AGFG2: variants seen among roughly 807,000 people sequenced by gnomAD.
AGFG2 encodes ArfGAP with FG repeats 2.
In AGFG2, 31 loss-of-function variants were observed where a neutral mutation model predicts 48.0. That is an observed-to-expected ratio of 0.65 (90% confidence interval 0.49 to 0.87). The LOEUF (loss-of-function observed/expected upper bound fraction) is 0.87, where lower values mean the gene tolerates loss of function less well. AGFG2 is among the 40% of genes least tolerant of loss of function. AGFG2 has a pLI of 0.00. For synonymous variants in AGFG2, 229 were observed against 260.8 expected (o/e 0.88, Z 1.18); for missense variants, 599 against 632.6 (o/e 0.95, Z 0.57).
chr7:100,550,546 G>T, intron 3 of AGFG2, 35 bp downstream of exon 3: 1 of 1,506,176 alleles, frequency 6.6e-7, no homozygotes, highest in Non-Finnish European at 9.2e-7. Flanking sequence ...ATGGAAACGT[G>T]TTCAAGACAT....
intron 5 of AGFG2, among the ~76,000 whole-genome samples, chr7:100,555,192 TTTAGAA>T (rs1234618295): frequency 6.6e-6 from 1 of 151,788 alleles, no homozygotes; most frequent in Non-Finnish European, 1.5e-5. Flanking sequence ...GCCTTTGGCC[TTTAGAA>T]TTAGTAGCTA....
At chr7:100,560,155 A>G (rs1407607264) in intron 6 of AGFG2, among the ~76,000 whole-genome samples, 1 of 150,950 alleles carries the variant, frequency 6.6e-6, no homozygotes, top group Non-Finnish European at 1.5e-5. Flanking sequence ...TGGGAGAGTC[A>G]GTAGAGGATC....
At chr7:100,563,515 C>G (rs1446246316) in intron 9 of AGFG2, among the ~76,000 whole-genome samples, 3 of 152,228 alleles carry the variant, frequency 2.0e-5, no homozygotes, top group Admixed American at 2.0e-4. Flanking sequence ...GGACTGTCCC[C>G]ATTTTAGAGA....
intron 3 of AGFG2, among the ~76,000 whole-genome samples, chr7:100,551,066 A>C (rs866571958): frequency 1.4e-5 from 1 of 69,718 alleles, no homozygotes; most frequent in East Asian, 3.3e-4. Context: ...ATATATATAT[A>C]TTTCTTTTTT....
rs887697231 is a variant in AGFG2 at position 100,568,008 on chromosome 7, C to T, written c.*3017C>T. 3 of 152,700 alleles carry T rather than the reference C, an allele frequency of 2.0e-5. No individual in the cohort carries two copies. The highest frequency in any genetic ancestry group is 2.0e-4 in the Admixed American group (3 of 15,286). The allele number at this position is 152,700 out of a possible 1,614,324, so 9.5% of individuals were successfully genotyped here. ...TGGCATTGATCAGCACCCACCCCAC[C>T]CCTGAGGCTTGCCCAGCCCCCAGGC... is the stretch of plus-strand genomic sequence containing the variant. On this transcript the variant is annotated 3_prime_UTR_variant, in exon 12 of 12. Transcript: ENST00000300176.
chr7:100,560,335 C>T (rs534794911), intron 6 of AGFG2, among the ~76,000 whole-genome samples: 6 of 152,260 alleles, frequency 3.9e-5, no homozygotes, highest in East Asian at 1.9e-4. Context: ...TGCACCACCA[C>T]GCCCAGCTTA....
At position 100,567,162 on chromosome 7, in the gene AGFG2, G is replaced by A. The variant is rs1361342580; in HGVS notation, c.*2171G>A. The A allele has an allele frequency of 1.3e-5, 2 of 152,580 alleles. No homozygotes were observed. The highest frequency in any genetic ancestry group is 2.9e-5 in the Non-Finnish European group (2 of 68,034). 9.5% of individuals were successfully genotyped at this position (152,580 alleles called of 1,614,324 possible). A position where few individuals can be genotyped will look rare whatever the true frequency, so the allele number is the denominator to read the frequency against. ...ATGAGCAGTAAGAAGTTAACGCCAG[G>A]TCAGCCTCGGGCCCCAGGGTTCCCT... On this transcript the variant is annotated 3_prime_UTR_variant, in exon 12 of 12. Coordinates refer to ENST00000300176, the MANE Select transcript of AGFG2 (RefSeq NM_006076.5).
At chr7:100,545,053 T>A (rs1003875337) in intron 1 of AGFG2, among the ~76,000 whole-genome samples, 5 of 152,146 alleles carry the variant, frequency 3.3e-5, no homozygotes, top group Non-Finnish European at 7.3e-5. Flanking sequence ...AGATAAGAGC[T>A]AAACTGGTTT....
At position 100,564,973 on chromosome 7, in the gene AGFG2, C is replaced by T; in HGVS notation, c.1428C>T (p.Thr476=). ...SSSPFASKPP[T]TNPFL is the part of the protein sequence containing the mutation. The stretch of plus-strand genomic sequence containing the variant: ...GCCCATTCGCCTCCAAACCTCCAAC[C>T]ACCAACCCCTTCTTGTAGCACTGTG... Residue 476 remains threonine (T), a synonymous_variant, in exon 12 of 12, where the codon ACC becomes ACT. Coordinates refer to ENST00000300176, the MANE Select transcript of AGFG2 (RefSeq NM_006076.5). The T allele has an allele frequency of 6.2e-7, 1 of 1,614,184 alleles. No homozygotes were observed.
Position 100,562,367 on chromosome 7 carries a change from G to A in AGFG2, c.986G>A (p.Gly329Asp), listed in dbSNP as rs367577789. ...CTGGGACCCGGGGTGCCCGCTGCAG[G>A]TGTTCCTAGCAGGTAGGTACAGACA... The part of the protein sequence containing the change: ...SFLGPGVPAA[G>D]VPSSLFGMAG... The change falls in exon 7 of 12, where the codon GGT becomes GAT. Residue 329 changes from glycine to aspartate, a missense_variant. Transcript: ENST00000300176. The surrounding 1 kb of genome is among the most constrained non-coding windows in gnomAD (Gnocchi z 5.4). 5.6e-6 allele frequency: 9 copies of A among 1,613,492 alleles called. No individual in the cohort carries two copies. Among genetic ancestry groups the A allele is most frequent in the Non-Finnish European group, 7.6e-6 (9 of 1,179,796 alleles).
chr7:100,547,910 C>T (rs1251025671), intron 1 of AGFG2, among the ~76,000 whole-genome samples: 1 of 152,202 alleles, frequency 6.6e-6, no homozygotes, highest in African/African-American at 2.4e-5. Context: ...ACCACCACTC[C>T]ACCCTTCTTT....
chr7:100,551,051 TATATATA>T (rs1562791797), intron 3 of AGFG2, among the ~76,000 whole-genome samples: 12 of 84,742 alleles, frequency 1.4e-4, no homozygotes, highest in African/African-American at 4.5e-4. Flanking sequence ...TATATATATA[TATATATA>T]TATATATATT....
intron 9 of AGFG2, among the ~76,000 whole-genome samples, chr7:100,563,609 C>G (rs1264768799): frequency 6.6e-6 from 1 of 152,200 alleles, no homozygotes; most frequent in African/African-American, 2.4e-5. Flanking sequence ...GCACCGCGCC[C>G]GTGCCTGGAA....
chr7:100,562,860 C>T lies in AGFG2; in HGVS notation c.1088-3C>T. 3.1e-6 allele frequency: 5 copies of T among 1,613,952 alleles called. No individual in the cohort carries two copies. The highest frequency in any genetic ancestry group is 1.1e-5 in the South Asian group (1 of 91,082). On this transcript the variant is annotated splice_polypyrimidine_tract_variant and splice_region_variant and intron_variant, in intron 8 of 11. Transcript: ENST00000300176. This position sits in a 1 kb window ranked among gnomAD's most constrained non-coding sequence, Gnocchi z 5.4. ...CCTGCCGCTCCCCATTCCACCTGGG[C>T]AGCCTTCACTAACCCTTTCACAGCT... is the stretch of plus-strand genomic sequence containing the variant.
In AGFG2 at chr7:100,539,438, G is replaced by C; in HGVS notation, c.92G>C (p.Arg31Pro). 7.5e-7 allele frequency: 1 copy of C among 1,326,304 alleles called. No individual in the cohort carries two copies. The highest frequency in any genetic ancestry group is 9.7e-7 in the Non-Finnish European group (1 of 1,034,848). 82.2% of individuals were successfully genotyped at this position (1,326,304 alleles called of 1,614,324 possible). A position where few individuals can be genotyped will look rare whatever the true frequency, so the allele number is the denominator to read the frequency against. The change falls in exon 1 of 12, where the codon CGT (arginine) becomes CCT (proline). Residue 31 changes from arginine (R) to proline (P), a missense_variant. Arg to Pro is a moderately radical substitution (Grantham distance 103). Coordinates refer to ENST00000300176, the MANE Select transcript of AGFG2 (RefSeq NM_006076.5). ...EAEAASEVWC[R>P]RVRELGGCSQ... ...GAGGCGGCCTCGGAGGTGTGGTGCCGTCGGGTGCGGGAGCTGGGTGGCTGC... is the reference window on the plus strand; with the variant it reads ...GAGGCGGCCTCGGAGGTGTGGTGCCCTCGGGTGCGGGAGCTGGGTGGCTGC...
Position 100,565,206 on chromosome 7 carries a change from CAGG to C in AGFG2, c.*221_*223del. ...CCCACCCCCACCCAGGCAGGAAGCC[CAGG>C]AGGAGTGCGGGCAGGGCCTGACCTG... On this transcript the variant is annotated 3_prime_UTR_variant, in exon 12 of 12. Coordinates refer to ENST00000300176, the MANE Select transcript of AGFG2 (RefSeq NM_006076.5). 3 of 618,736 alleles carry C rather than the reference CAGG, an allele frequency of 4.8e-6. No individual in the cohort carries two copies. In the South Asian group the frequency reaches 5.7e-5, roughly 12 times the overall value. 38.3% of individuals were successfully genotyped at this position (618,736 alleles called of 1,614,324 possible).
At chr7:100,550,749 C>T (rs187147239) in intron 3 of AGFG2, among the ~76,000 whole-genome samples, 13 of 151,964 alleles carry the variant, frequency 8.6e-5, no homozygotes, top group African/African-American at 2.7e-4. Flanking sequence ...TGATTGGAGT[C>T]GGGAGGTAGG....
rs952479329 is a variant in AGFG2, at chr7:100,562,458, G to A, written c.998+79G>A. The A allele has an allele frequency of 2.2e-5, 35 of 1,599,396 alleles. No homozygotes were observed. The Admixed American group carries it at 4.6e-4, about 21-fold the overall frequency. ...TGGCCATGTTCCTCCCAGCCCCATC[G>A]GCATCTCCTGGCAGTTCTCCCCTCC... On this transcript the variant is annotated intron_variant, in intron 7 of 11. Coordinates refer to ENST00000300176, the MANE Select transcript of AGFG2 (RefSeq NM_006076.5). The surrounding 1 kb of genome is among the most constrained non-coding windows in gnomAD (Gnocchi z 5.4).
chr7:100,562,357 C>A lies in AGFG2; in HGVS notation c.976C>A (p.Pro326Thr), dbSNP rs1275574800. 13 of 1,613,946 alleles carry A rather than the reference C, an allele frequency of 8.1e-6. No individual in the cohort carries two copies. Among genetic ancestry groups the A allele is most frequent in the Non-Finnish European group, 1.1e-5 (13 of 1,179,932 alleles). Reference sequence around the variant, plus strand: ...GGGCAGCTTCCTGGGACCCGGGGTGCCCGCTGCAGGTGTTCCTAGCAGGTA... The same window carrying A: ...GGGCAGCTTCCTGGGACCCGGGGTGACCGCTGCAGGTGTTCCTAGCAGGTA... ...DVGSFLGPGV[P>T]AAGVPSSLFG... is the part of the protein sequence containing the mutation. The change falls in exon 7 of 12, where the codon CCC (proline) becomes ACC (threonine). Residue 326 changes from proline to threonine, a missense_variant. Physicochemically the swap from Pro to Thr is conservative, Grantham distance 38 (BLOSUM62 -1). Transcript: ENST00000300176. This position sits in a 1 kb window ranked among gnomAD's most constrained non-coding sequence, Gnocchi z 5.4.
Sources: gnomAD v4.1 joint callset for allele counts (sites outside exome capture counted in the v4.1 genomes callset) on GRCh38, gnomAD v4.1.1 for gene constraint, Gnocchi (gnomAD v3.1) non-coding constraint, MANE v1.5 for transcripts, NCBI Gene and HGNC (gene_info 2026-07-23, HGNC 2026-07-21) for gene names.